Variants in TIAM1 observed in about 807,000 individuals in gnomAD.
The protein encoded by TIAM1 is TIAM Rac1 associated GEF 1, also known as rho guanine nucleotide exchange factor TIAM1.
A neutral mutation model predicts 163.5 loss-of-function variants in TIAM1; 65 were observed. That is an observed-to-expected ratio of 0.40 (90% confidence interval 0.33 to 0.49). TIAM1 has a LOEUF of 0.49. Ranked by LOEUF, TIAM1 falls within the 20% of genes least tolerant of loss-of-function variation. TIAM1 has a pLI of 0.77. For missense variants in TIAM1, 1,789 were observed against 2,044.7 expected, an observed-to-expected ratio of 0.87 and a Z score of 2.41; for synonymous variants, 833 against 810.1, an observed-to-expected ratio of 1.03 and a Z score of -0.48.
intron 16 of TIAM1, among the ~76,000 whole-genome samples, chr21:31,155,018 TCTCC>T (rs1327451609): frequency 1.3e-5 from 2 of 152,152 alleles, no homozygotes; most frequent in Non-Finnish European, 2.9e-5. Context: ...AATAAAAGTT[TCTCC>T]CTCTCCAGCT....
At chr21:31,377,839 A>G (rs80054229) in intron 2 of TIAM1, among the ~76,000 whole-genome samples, 1 of 147,790 alleles carries the variant, frequency 6.8e-6, no homozygotes, top group South Asian at 2.1e-4. Context: ...AGGAATAAGA[A>G]AAAAAAAAAA....
At chr21:31,145,734 C>T (rs916844794) in intron 20 of TIAM1, among the ~76,000 whole-genome samples, 26 of 152,214 alleles carry the variant, frequency 1.7e-4, no homozygotes, top group Non-Finnish European at 3.4e-4. Context: ...TATCACACTC[C>T]CAGGAACAAA....
intron 2 of TIAM1, among the ~76,000 whole-genome samples, chr21:31,438,864 T>C (rs749327969): frequency 6.6e-6 from 1 of 152,216 alleles, no homozygotes; most frequent in Non-Finnish European, 1.5e-5. Context: ...AACCCCACTA[T>C]GACAACCAAA....
chr21:31,507,765 C>T (rs1459031277), intron 1 of TIAM1, among the ~76,000 whole-genome samples: 4 of 152,042 alleles, frequency 2.6e-5, no homozygotes, highest in East Asian at 1.9e-4. Context: ...GTGAAACTGA[C>T]GCAGGCAGCA....
At chr21:31,374,429 G>A (rs905982971) in intron 2 of TIAM1, among the ~76,000 whole-genome samples, 1 of 152,054 alleles carries the variant, frequency 6.6e-6, no homozygotes, top group Non-Finnish European at 1.5e-5. Context: ...GGAATATTCT[G>A]CATCTGTCCC....
At chr21:31,341,315 T>C (rs1412380585) in intron 1 of TIAM1, among the ~76,000 whole-genome samples, 2 of 152,152 alleles carry the variant, frequency 1.3e-5, no homozygotes, top group Non-Finnish European at 2.9e-5. Context: ...GGCCACACAG[T>C]CAAAAGGGGC....
At chr21:31,161,140 A>G (rs1159098065) in intron 16 of TIAM1, among the ~76,000 whole-genome samples, 1 of 151,996 alleles carries the variant, frequency 6.6e-6, no homozygotes, top group Non-Finnish European at 1.5e-5. Context: ...GACATTTCTG[A>G]GACAAAAACA....
At chr21:31,459,973 C>T (rs1167773279) in intron 2 of TIAM1, among the ~76,000 whole-genome samples, 1 of 152,190 alleles carries the variant, frequency 6.6e-6, no homozygotes, top group African/African-American at 2.4e-5. Flanking sequence ...TTTCCTCATA[C>T]TTATTATTCC....
rs1382391692 is a variant in TIAM1 at position 31,251,761 on chromosome 21, G to A, written c.1392C>T (p.His464=). The A allele has an allele frequency of 6.3e-7, 1 of 1,599,766 alleles. No homozygotes were observed. Among genetic ancestry groups the A allele is most frequent in the Non-Finnish European group, 8.5e-7 (1 of 1,171,196 alleles). Residue 464 remains histidine, a synonymous_variant, in exon 5 of 28, where the codon CAC becomes CAT. Coordinates refer to ENST00000541036, the MANE Select transcript of TIAM1 (RefSeq NM_001353694.2). ...VESATRRKWK[H]YWVSLKGCTL... is the part of the protein sequence containing the mutation. ...TCTCACCTTTCAGGGACACCCAGTA[G>A]TGCTTCCACTTCCTCCGGGTGGCTG...
chr21:31,142,600 C>T (rs533718255), intron 20 of TIAM1, among the ~76,000 whole-genome samples: 1 of 138,160 alleles, frequency 7.2e-6, no homozygotes, highest in African/African-American at 2.7e-5. Flanking sequence ...CACTGCACTC[C>T]AGCCTGAGTG....
At chr21:31,495,323 T>C (rs1250720056) in intron 1 of TIAM1, among the ~76,000 whole-genome samples, 2 of 152,164 alleles carry the variant, frequency 1.3e-5, no homozygotes, top group Non-Finnish European at 2.9e-5. Context: ...GCAGATTCAG[T>C]TGTCTGGGGA....
rs192808190 is a variant in TIAM1, at chr21:31,150,206, T to C, written c.3366+2430A>G. Among the ~76,000 whole-genome samples, 4 of 152,308 alleles carry C rather than the reference T, an allele frequency of 2.6e-5. No homozygotes were observed. The East Asian group carries it at 7.7e-4, about 29-fold the overall frequency. The stretch of plus-strand genomic sequence containing the variant: ...AATGAACACCTATAATATATACATA[T>C]ATATTCACATACTTATGTGTGTTTG... On this transcript the variant is annotated intron_variant, in intron 19 of 27. Transcript: ENST00000541036.
rs569085831 is a variant in TIAM1, at chr21:31,177,043, G to A, written c.2887+5378C>T. 1.3e-3 allele frequency among the ~76,000 whole-genome samples: 193 copies of A among 152,312 alleles called. 1 individual carries two copies. The highest frequency in any genetic ancestry group is 4.3e-3 in the African/African-American group (179 of 41,574). On this transcript the variant is annotated intron_variant, in intron 15 of 27. Transcript: ENST00000541036. ...GTTGCAGACTGAGGTGGCGTAGAAG[G>A]CAGGGAGAATACTGAAAAAGAGCAA...
intron 1 of TIAM1, among the ~76,000 whole-genome samples, chr21:31,341,611 C>T (rs1165571118): frequency 6.6e-6 from 1 of 152,162 alleles, no homozygotes; most frequent in Non-Finnish European, 1.5e-5. Flanking sequence ...GGGTGTGCCT[C>T]AATTAATACA....
intron 6 of TIAM1, among the ~76,000 whole-genome samples, chr21:31,242,436 T>C (rs1009603370): frequency 2.0e-5 from 3 of 152,032 alleles, no homozygotes; most frequent in African/African-American, 7.2e-5. Context: ...GCTGGGAGGA[T>C]TGCTCAGCCC....
At chr21:31,526,183 C>T (rs2047778781) in intron 1 of TIAM1, among the ~76,000 whole-genome samples, 2 of 152,154 alleles carry the variant, frequency 1.3e-5, no homozygotes, top group South Asian at 4.1e-4. Context: ...AGCACTGAGC[C>T]CTGGGGCAGA....
At chr21:31,476,860 T>A (rs927070050) in intron 1 of TIAM1, among the ~76,000 whole-genome samples, 1 of 152,176 alleles carries the variant, frequency 6.6e-6, no homozygotes, top group Admixed American at 6.5e-5. Flanking sequence ...CTTGATTGTA[T>A]ATAATTGTTA....
At chr21:31,410,632 G>C (rs779938498) in intron 2 of TIAM1, among the ~76,000 whole-genome samples, 5 of 151,880 alleles carry the variant, frequency 3.3e-5, no homozygotes, top group African/African-American at 4.8e-5. Flanking sequence ...GTGTGTGTCA[G>C]TGACTATGTG....
intron 2 of TIAM1, among the ~76,000 whole-genome samples, chr21:31,412,507 C>A (rs546993467): frequency 1.3e-3 from 205 of 152,072 alleles, no homozygotes; most frequent in Non-Finnish European, 2.3e-3. Flanking sequence ...CGAAGCCAGG[C>A]ACAGTGGCTC....
Sources: allele counts gnomAD v4.1 joint callset (sites outside exome capture counted in the v4.1 genomes callset), GRCh38; gene constraint gnomAD v4.1.1; transcripts MANE v1.5; gene names NCBI Gene and HGNC (gene_info 2026-07-23, HGNC 2026-07-21).